The following HOOK1 variants were observed in gnomAD, a reference collection of about 807,000 sequenced individuals.
HOOK1 encodes protein Hook homolog 1.
In HOOK1, 60 loss-of-function variants were observed where a neutral mutation model predicts 112.8. The observed-to-expected ratio is 0.53, with a 90% CI of 0.43 to 0.66. The LOEUF (loss-of-function observed/expected upper bound fraction) is 0.66. Ranked by LOEUF, HOOK1 falls within the 30% of genes least tolerant of loss-of-function variation. The pLI, the probability that HOOK1 is intolerant of heterozygous loss-of-function variation, is 0.00. For synonymous variants in HOOK1, 294 were observed against 283.8 expected (o/e 1.04, Z -0.36); for missense variants, 770 against 856.0 (o/e 0.90, Z 1.25).
chr1:59,815,226 C>G (rs1247226374), intron 1 of HOOK1, 46 bp downstream of exon 1: 1 of 1,523,162 alleles, frequency 6.6e-7, no homozygotes, highest in African/African-American at 1.4e-5. Flanking sequence ...GGGGCCGAGG[C>G]GAGGAGCCTG....
chr1:59,823,894 A>G (rs3768000), intron 2 of HOOK1, among the ~76,000 whole-genome samples: 7,306 of 152,302 alleles, frequency 0.048, 410 homozygotes, highest in African/African-American at 0.13. Flanking sequence ...ATTCTCTGTC[A>G]CCATTAACAA....
At chr1:59,843,780 A>C (rs995438643) in intron 9 of HOOK1, among the ~76,000 whole-genome samples, 182 bp downstream of exon 9, 2 of 152,006 alleles carry the variant, frequency 1.3e-5, no homozygotes, top group Non-Finnish European at 2.9e-5. Flanking sequence ...TCCAGTTAGG[A>C]AGTGGGAGAT....
intron 4 of HOOK1, 40 bp downstream of exon 4, chr1:59,832,253 A>G (rs1456472496): frequency 1.6e-6 from 2 of 1,226,994 alleles, no homozygotes; most frequent in East Asian, 2.5e-5. Flanking sequence ...GCATCATGCT[A>G]TACGAAAATT....
chr1:59,840,190 C>G lies in HOOK1; in HGVS notation c.538-118C>G, dbSNP rs540349190. The G allele has an allele frequency of 5.3e-4, 275 of 517,222 alleles. 2 individuals are homozygous for G. The highest frequency in any genetic ancestry group is 5.0e-3 in the African/African-American group (254 of 50,348). 32.0% of individuals were successfully genotyped at this position (517,222 alleles called of 1,614,324 possible). A position where few individuals can be genotyped will look rare whatever the true frequency, so the allele number is the denominator to read the frequency against. On this transcript the variant is annotated intron_variant, in intron 7 of 21. Coordinates refer to ENST00000371208, the MANE Select transcript of HOOK1 (RefSeq NM_015888.6). ...AGAGTCATTTCTTATTAGGTAAATT[C>G]AAAAAATAATTTCCCATATCAGTGT...
Position 59,828,801 on chromosome 1 carries a change from A to G in HOOK1, c.171A>G (p.Glu57=), listed in dbSNP as rs760896305. 3.1e-6 allele frequency: 5 copies of G among 1,613,316 alleles called. No individual in the cohort carries two copies. Among genetic ancestry groups the G allele is most frequent in the East Asian group, 4.5e-5 (2 of 44,834 alleles). ...TCAGTGATGCAGCTTGGTTTAACGA[A>G]TCTTGGTTAAGCCGAATTAAAGAGG... ...LHQIDAAWFN[E]SWLSRIKEDV... Residue 57 remains glutamate (E), a synonymous_variant, in exon 3 of 22, where the codon GAA becomes GAG. Coordinates refer to ENST00000371208, the MANE Select transcript of HOOK1 (RefSeq NM_015888.6).
intron 1 of HOOK1, among the ~76,000 whole-genome samples, chr1:59,820,276 A>G (rs2098384653): frequency 6.6e-6 from 1 of 152,198 alleles, no homozygotes; most frequent in Admixed American, 6.5e-5. Flanking sequence ...AGGCCCTGAT[A>G]TAGGTATATT....
intron 12 of HOOK1, 21 bp from the exon 13 acceptor site, chr1:59,858,407 G>A (rs199739289): frequency 3.4e-6 from 5 of 1,449,466 alleles, no homozygotes; most frequent in Admixed American, 3.3e-5. Context: ...ATACTTTGCT[G>A]ATATCAACAA....
At chr1:59,852,726 AAAGTT>A (rs1452849112) in intron 12 of HOOK1, among the ~76,000 whole-genome samples, 1 of 151,652 alleles carries the variant, frequency 6.6e-6, no homozygotes, top group Admixed American at 6.6e-5. Context: ...GTTAAGATAG[AAAGTT>A]AAGTTATTGA....
intron 12 of HOOK1, among the ~76,000 whole-genome samples, chr1:59,856,069 C>G (rs2098410599): frequency 7.2e-6 from 1 of 138,442 alleles, no homozygotes; most frequent in Non-Finnish European, 1.5e-5. Flanking sequence ...ATCTGCCCAC[C>G]TCAGCCTCCC....
chr1:59,819,879 C>G (rs1448015807), intron 1 of HOOK1, among the ~76,000 whole-genome samples: 1 of 152,106 alleles, frequency 6.6e-6, no homozygotes, highest in East Asian at 1.9e-4. Flanking sequence ...TTGCAAAATC[C>G]TTCTTATTTT....
intron 3 of HOOK1, among the ~76,000 whole-genome samples, chr1:59,831,647 A>G (rs549081192): frequency 1.6e-4 from 24 of 152,232 alleles, no homozygotes; most frequent in African/African-American, 5.8e-4. Flanking sequence ...TATCTCTTCA[A>G]TCGGTGAGAA....
At chr1:59,815,226 C>A in intron 1 of HOOK1, 46 bp downstream of exon 1, 2 of 1,523,160 alleles carry the variant, frequency 1.3e-6, no homozygotes, top group African/African-American at 1.4e-5. Flanking sequence ...GGGGCCGAGG[C>A]GAGGAGCCTG....
In HOOK1 at chr1:59,872,978, A is replaced by T; in HGVS notation, c.*13A>T. ...AACATCTGATTAAACTGCAAAAAAA[A>T]CAAAACAAAACAAAAAAACCACATA... is the stretch of plus-strand genomic sequence containing the variant. On this transcript the variant is annotated 3_prime_UTR_variant, in exon 22 of 22. Coordinates refer to ENST00000371208, the MANE Select transcript of HOOK1 (RefSeq NM_015888.6). The T allele has an allele frequency of 1.4e-6, 2 of 1,437,442 alleles. No homozygotes were observed. Among genetic ancestry groups the T allele is most frequent in the Middle Eastern group, 1.8e-4 (1 of 5,562 alleles). 89.0% of individuals were successfully genotyped at this position (1,437,442 alleles called of 1,614,324 possible).
rs541160613 is a variant in HOOK1 at position 59,854,035 on chromosome 1, TATA to T, written c.1243-4392_1243-4390del. Among the ~76,000 whole-genome samples, 165 of 19,648 alleles carry T rather than the reference TATA, an allele frequency of 8.4e-3. 3 individuals are homozygous for T. Among genetic ancestry groups the T allele is most frequent in the African/African-American group, 0.014 (49 of 3,598 alleles). The allele number at this position is 19,648 out of a possible 152,430, so 12.9% of individuals were successfully genotyped here. A position where few individuals can be genotyped will look rare whatever the true frequency, so the allele number is the denominator to read the frequency against. On this transcript the variant is annotated intron_variant, in intron 12 of 21. Coordinates refer to ENST00000371208, the MANE Select transcript of HOOK1 (RefSeq NM_015888.6). ...ATATATATATATATATATATATATA[TATA>T]TTTTTTTTTTTTTTTTTTTTTTTTT...
chr1:59,852,466 C>T (rs1301288974), intron 12 of HOOK1, among the ~76,000 whole-genome samples: 1 of 149,578 alleles, frequency 6.7e-6, no homozygotes, highest in Non-Finnish European at 1.5e-5. Flanking sequence ...CTGTGAGAAA[C>T]AAGAGAATTT....
intron 12 of HOOK1, among the ~76,000 whole-genome samples, chr1:59,855,654 G>A (rs887338084): frequency 2.0e-5 from 3 of 151,526 alleles, no homozygotes; most frequent in African/African-American, 7.3e-5. Flanking sequence ...ATAAAATTTG[G>A]CAAGTTTTTA....
At chr1:59,832,577 C>T (rs1436454706) in intron 4 of HOOK1, among the ~76,000 whole-genome samples, 1 of 151,920 alleles carries the variant, frequency 6.6e-6, no homozygotes, top group African/African-American at 2.4e-5. Context: ...GTAGCAAAGA[C>T]ATAAATGAGA....
intron 19 of HOOK1, 38 bp downstream of exon 19, chr1:59,866,010 C>A: frequency 1.7e-6 from 2 of 1,167,276 alleles, no homozygotes; most frequent in Admixed American, 1.9e-5. Context: ...GACTTTGTGG[C>A]CTGTGTTTTA....
intron 2 of HOOK1, among the ~76,000 whole-genome samples, chr1:59,823,928 C>T (rs1239592395): frequency 6.6e-6 from 1 of 152,182 alleles, no homozygotes; most frequent in East Asian, 1.9e-4. Context: ...TAAAATTAAC[C>T]CTAAATATCT....
Sources: allele counts gnomAD v4.1 joint callset (sites outside exome capture counted in the v4.1 genomes callset), GRCh38; gene constraint gnomAD v4.1.1; transcripts MANE v1.5; gene names NCBI Gene and HGNC (gene_info 2026-07-23, HGNC 2026-07-21).